CCSER1: variants seen among roughly 807,000 people sequenced by gnomAD.
The protein encoded by CCSER1 is serine-rich coiled-coil domain-containing protein 1.
A neutral mutation model predicts 82.0 loss-of-function variants in CCSER1; 41 were observed. The observed-to-expected ratio is 0.50, with a 90% confidence interval of 0.39 to 0.65. The LOEUF (loss-of-function observed/expected upper bound fraction) is 0.65. Among genes scored for constraint, CCSER1 ranks in the 30% least tolerant of loss-of-function variants. The pLI, the probability that CCSER1 is intolerant of heterozygous loss-of-function variation, is 0.00. For missense variants in CCSER1, 1,119 were observed against 1,064.2 expected, an observed-to-expected ratio of 1.05 and a Z score of -0.72; for synonymous variants, 414 against 383.9, an observed-to-expected ratio of 1.08 and a Z score of -0.92.
intron 7 of CCSER1, among the ~76,000 whole-genome samples, chr4:90,739,725 C>G (rs973472794): frequency 2.6e-5 from 4 of 152,174 alleles, no homozygotes; most frequent in African/African-American, 7.2e-5. Flanking sequence ...GAGTCACTTT[C>G]CACTGTGACC....
At chr4:90,834,332 G>T (rs1308584283) in intron 8 of CCSER1, among the ~76,000 whole-genome samples, 2 of 152,128 alleles carry the variant, frequency 1.3e-5, no homozygotes, top group Non-Finnish European at 2.9e-5. Flanking sequence ...TTCTCAAAGG[G>T]TAAATCAAAT....
chr4:90,212,623 T>C (rs1225758090), intron 1 of CCSER1, among the ~76,000 whole-genome samples: 1 of 152,192 alleles, frequency 6.6e-6, no homozygotes, highest in Admixed American at 6.5e-5. Flanking sequence ...CTAGAACTAG[T>C]TTATATCTGA....
At chr4:91,088,281 C>T (rs1306881639) in intron 10 of CCSER1, among the ~76,000 whole-genome samples, 2 of 151,936 alleles carry the variant, frequency 1.3e-5, no homozygotes, top group Non-Finnish European at 2.9e-5. Context: ...TTGATGGATG[C>T]AATATCAAGG....
chr4:90,248,192 C>T (rs1208898508), intron 1 of CCSER1, among the ~76,000 whole-genome samples: 1 of 152,100 alleles, frequency 6.6e-6, no homozygotes, highest in African/African-American at 2.4e-5. Context: ...GAAACAAGTA[C>T]ATATAACACT....
At chr4:91,493,227 T>C (rs1758643463) in intron 10 of CCSER1, among the ~76,000 whole-genome samples, 1 of 150,774 alleles carries the variant, frequency 6.6e-6, no homozygotes, top group Non-Finnish European at 1.5e-5. Context: ...TACACACATA[T>C]TCTCTCTCTA....
intron 3 of CCSER1, among the ~76,000 whole-genome samples, chr4:90,393,946 TAA>T (rs528025023): frequency 6.8e-6 from 1 of 146,164 alleles, no homozygotes; most frequent in African/African-American, 2.5e-5. Flanking sequence ...CTTGGCTAAT[TAA>T]AAAAAAAAAT....
At chr4:91,142,226 T>C (rs1163156914) in intron 10 of CCSER1, among the ~76,000 whole-genome samples, 1 of 152,104 alleles carries the variant, frequency 6.6e-6, no homozygotes, top group African/African-American at 2.4e-5. Context: ...GATCTCATGG[T>C]TTTATAAAGG....
intron 10 of CCSER1, among the ~76,000 whole-genome samples, chr4:91,526,724 A>G (rs1428702622): frequency 6.6e-6 from 1 of 152,070 alleles, no homozygotes; most frequent in Non-Finnish European, 1.5e-5. Flanking sequence ...CCTGCCAAGT[A>G]GCTGGGATTA....
intron 3 of CCSER1, among the ~76,000 whole-genome samples, chr4:90,372,287 CA>C (rs1419843667): frequency 1.3e-5 from 2 of 151,984 alleles, no homozygotes; most frequent in African/African-American, 4.8e-5. Flanking sequence ...AATGGTAACT[CA>C]CTTTGAATGG....
chr4:90,411,675 G>A (rs1238745343), intron 4 of CCSER1, among the ~76,000 whole-genome samples: 2 of 152,142 alleles, frequency 1.3e-5, no homozygotes, highest in Non-Finnish European at 2.9e-5. Context: ...ATACTGAATG[G>A]ACAAAAACTG....
intron 10 of CCSER1, among the ~76,000 whole-genome samples, chr4:91,167,131 G>T (rs1732163294): frequency 1.4e-5 from 2 of 144,948 alleles, no homozygotes; most frequent in African/African-American, 5.1e-5. Flanking sequence ...ATTGTTTATT[G>T]TTTATCAGAT....
intron 9 of CCSER1, among the ~76,000 whole-genome samples, chr4:90,991,486 C>T (rs1163918036): frequency 6.6e-6 from 1 of 151,894 alleles, no homozygotes; most frequent in African/African-American, 2.4e-5. Context: ...TATCCCTTGG[C>T]TTGCAGCACC....
intron 7 of CCSER1, among the ~76,000 whole-genome samples, chr4:90,770,108 C>A (rs1310648784): frequency 6.6e-6 from 1 of 152,108 alleles, no homozygotes; most frequent in East Asian, 1.9e-4. Context: ...CATGAGGAAC[C>A]CAACAGTGAG....
intron 6 of CCSER1, among the ~76,000 whole-genome samples, chr4:90,707,518 C>A (rs1162840842): frequency 7.8e-6 from 1 of 128,470 alleles, no homozygotes; most frequent in Non-Finnish European, 1.7e-5. Context: ...GAAATTCTGT[C>A]ATTTCTACCT....
intron 9 of CCSER1, among the ~76,000 whole-genome samples, chr4:91,055,788 C>T (rs1174523883): frequency 2.1e-5 from 3 of 145,428 alleles, no homozygotes; most frequent in Non-Finnish European, 3.0e-5. Context: ...CTCTCCCTCC[C>T]TCCCTCCCTC....
intron 10 of CCSER1, among the ~76,000 whole-genome samples, chr4:91,316,856 G>A (rs1745869578): frequency 6.6e-6 from 1 of 151,934 alleles, no homozygotes; most frequent in Non-Finnish European, 1.5e-5. Flanking sequence ...AATAAAGAGT[G>A]GAATGGTGAT....
At chr4:90,494,290 A>T (rs1463392253) in intron 5 of CCSER1, among the ~76,000 whole-genome samples, 2 of 152,164 alleles carry the variant, frequency 1.3e-5, no homozygotes, top group Non-Finnish European at 2.9e-5. Flanking sequence ...CGACAAAGAG[A>T]CTTAGACTCC....
At chr4:90,395,394 ACATTTTGCAGATGTAG>A (rs1329245198) in intron 3 of CCSER1, among the ~76,000 whole-genome samples, 1 of 152,184 alleles carries the variant, frequency 6.6e-6, no homozygotes, top group Non-Finnish European at 1.5e-5. Flanking sequence ...TCTTGTTTTT[ACATTTTGCAGATGTAG>A]CATTTATATT....
rs551955078 is a variant in CCSER1 at position 90,192,174 on chromosome 4, A to T, written c.-42+64343A>T. Among the ~76,000 whole-genome samples the T allele has an allele frequency of 9.2e-5, 14 of 152,142 alleles. No homozygotes were observed. The South Asian group carries it at 2.3e-3, about 25-fold the overall frequency. ...GGTGGAAGTCAAGGAGGAGCAAGTC[A>T]CATGTTACGTGGATGGCAGCAGGCA... On this transcript the variant is annotated intron_variant, in intron 1 of 10. Transcript: ENST00000509176.
Sources: allele counts gnomAD v4.1 joint callset (sites outside exome capture counted in the v4.1 genomes callset), GRCh38; gene constraint gnomAD v4.1.1; transcripts MANE v1.5; gene names NCBI Gene and HGNC (gene_info 2026-07-23, HGNC 2026-07-21).